CNTN4: variants seen among roughly 807,000 people sequenced by gnomAD.
CNTN4 encodes contactin-4.
A neutral mutation model predicts 122.5 loss-of-function variants in CNTN4; 77 were observed. The ratio of observed to expected loss-of-function variants is 0.63; its 90% confidence interval spans 0.52 to 0.76. The LOEUF is 0.76. CNTN4 is among the 30% of genes least tolerant of loss of function. The pLI is 0.00. For synonymous variants in CNTN4, 512 were observed against 447.0 expected (o/e 1.15, Z -1.83); for missense variants, 1,256 against 1,259.1 (o/e 1.00, Z 0.04).
chr3:2,237,882 G>A lies in CNTN4; in HGVS notation c.-144-101296G>A, dbSNP rs2149586249. On this transcript the variant is annotated intron_variant, in intron 2 of 24. Coordinates refer to ENST00000418658, the MANE Select transcript of CNTN4 (RefSeq NM_175607.3). ...ATATTCAGATTTAAATTAGCCTATA[G>A]GCCATTATTAAAATAGATTTACTGT... Among the ~76,000 whole-genome samples, 2 of 152,102 alleles carry A rather than the reference G, an allele frequency of 1.3e-5. 1 individual carries two copies. The highest frequency in any genetic ancestry group is 1.3e-4 in the Admixed American group (2 of 15,278).
chr3:2,376,529 A>G (rs2045822511), intron 3 of CNTN4, among the ~76,000 whole-genome samples: 1 of 152,038 alleles, frequency 6.6e-6, no homozygotes, highest in Admixed American at 6.5e-5. Flanking sequence ...TCACTAGGTG[A>G]TTCTTGAGAT....
intron 3 of CNTN4, among the ~76,000 whole-genome samples, chr3:2,407,506 CAT>C (rs1432748184): frequency 1.3e-5 from 2 of 152,012 alleles, no homozygotes; most frequent in African/African-American, 4.8e-5. Flanking sequence ...TGCCTCAAAA[CAT>C]ATAAAAATCA....
chr3:2,567,997 T>C (rs914051771), intron 3 of CNTN4, among the ~76,000 whole-genome samples: 3 of 152,230 alleles, frequency 2.0e-5, no homozygotes, highest in Admixed American at 2.0e-4. Context: ...GTGAGCTCCT[T>C]GAGGACAAGA....
intron 2 of CNTN4, among the ~76,000 whole-genome samples, chr3:2,319,482 C>T (rs2043210950): frequency 6.6e-6 from 1 of 152,134 alleles, no homozygotes; most frequent in Non-Finnish European, 1.5e-5. Flanking sequence ...TCACCTCTGT[C>T]ACCCCAGAGA....
chr3:2,394,230 C>A (rs139951563), intron 3 of CNTN4, among the ~76,000 whole-genome samples: 1 of 151,868 alleles, frequency 6.6e-6, no homozygotes, highest in Non-Finnish European at 1.5e-5. Context: ...GTAAAGGAAG[C>A]CCCTAGAGGC....
At chr3:2,729,230 T>C (rs1033237) in intron 4 of CNTN4, among the ~76,000 whole-genome samples, 132,380 of 152,102 alleles carry the variant, frequency 0.87, 58,382 homozygotes, top group East Asian at 0.99. Context: ...AGAACAGAAC[T>C]CTGCAGGGTA....
At chr3:2,390,371 C>A (rs568113235) in intron 3 of CNTN4, among the ~76,000 whole-genome samples, 1 of 151,812 alleles carries the variant, frequency 6.6e-6, no homozygotes, top group South Asian at 2.1e-4. Context: ...CTGAAATGAT[C>A]ATAAAAGTTA....
At position 2,532,165 on chromosome 3, in the gene CNTN4, AT is replaced by A. The variant is rs1277019446; in HGVS notation, c.-88-39248del. On this transcript the variant is annotated intron_variant, in intron 3 of 24. Coordinates refer to ENST00000418658, the MANE Select transcript of CNTN4 (RefSeq NM_175607.3). ...TCTCCTGCTTATTGGAAGATTATACATTTCAAGTTCAAAGATGTAAAATAGA... is the reference window on the plus strand; with the variant it reads ...TCTCCTGCTTATTGGAAGATTATACATTCAAGTTCAAAGATGTAAAATAGA... Among the ~76,000 whole-genome samples, 3 of 152,312 alleles carry A rather than the reference AT, an allele frequency of 2.0e-5. No individual in the cohort carries two copies. In the East Asian group the frequency reaches 5.8e-4, roughly 29 times the overall value.
chr3:2,619,392 T>A (rs1393170033), intron 4 of CNTN4, among the ~76,000 whole-genome samples: 1 of 152,210 alleles, frequency 6.6e-6, no homozygotes, highest in East Asian at 1.9e-4. Flanking sequence ...AGAAATTGCA[T>A]TGATTGTAAA....
At position 2,920,637 on chromosome 3, in the gene CNTN4, A is replaced by C. The variant is rs549375157; in HGVS notation, c.1208-4992A>C. Among the ~76,000 whole-genome samples the C allele has an allele frequency of 2.0e-5, 3 of 152,292 alleles. No individual in the cohort carries two copies. The East Asian group carries it at 5.8e-4, about 29-fold the overall frequency. On this transcript the variant is annotated intron_variant, in intron 12 of 24. Coordinates refer to ENST00000418658, the MANE Select transcript of CNTN4 (RefSeq NM_175607.3). The stretch of plus-strand genomic sequence containing the variant: ...TCTAAGAAAATTTTCAGCAGAAGAA[A>C]AGTCCGTGATAATGGTGACTGGGGT...
At chr3:2,849,063 A>T (rs1034472235) in intron 7 of CNTN4, among the ~76,000 whole-genome samples, 1 of 152,218 alleles carries the variant, frequency 6.6e-6, no homozygotes, top group East Asian at 1.9e-4. Context: ...GCACCCCAGG[A>T]TCCCATCCCG....
chr3:2,669,824 T>G (rs572342712), intron 4 of CNTN4, among the ~76,000 whole-genome samples: 121 of 152,320 alleles, frequency 7.9e-4, no homozygotes, highest in African/African-American at 2.6e-3. Context: ...AAGAACATCT[T>G]TATTTCTGCC....
intron 3 of CNTN4, among the ~76,000 whole-genome samples, chr3:2,482,017 G>C (rs1339727587): frequency 6.6e-6 from 1 of 152,188 alleles, no homozygotes; most frequent in African/African-American, 2.4e-5. Flanking sequence ...TGCAGAGAGT[G>C]GGGTGCTGCT....
intron 4 of CNTN4, among the ~76,000 whole-genome samples, chr3:2,574,489 G>A (rs1249276085): frequency 6.6e-6 from 1 of 152,042 alleles, no homozygotes; most frequent in Non-Finnish European, 1.5e-5. Context: ...TTATTTGAGG[G>A]CATTTATTAG....
At chr3:2,395,129 G>A (rs2046594793) in intron 3 of CNTN4, among the ~76,000 whole-genome samples, 1 of 152,124 alleles carries the variant, frequency 6.6e-6, no homozygotes, top group African/African-American at 2.4e-5. Flanking sequence ...AATGGAAAGA[G>A]CCTAGGTGTT....
At chr3:2,721,020 T>C (rs1176792831) in intron 4 of CNTN4, among the ~76,000 whole-genome samples, 2 of 152,168 alleles carry the variant, frequency 1.3e-5, no homozygotes, top group Non-Finnish European at 2.9e-5. Flanking sequence ...TTGACCAGGC[T>C]GGAGTGCAGT....
intron 13 of CNTN4, among the ~76,000 whole-genome samples, chr3:2,978,772 G>A (rs1400147886): frequency 6.6e-6 from 1 of 152,090 alleles, no homozygotes; most frequent in Non-Finnish European, 1.5e-5. Flanking sequence ...GGCCCCTGGG[G>A]TCAGCAGTCT....
intron 2 of CNTN4, among the ~76,000 whole-genome samples, chr3:2,267,293 C>A (rs78849706): frequency 6.6e-6 from 1 of 152,064 alleles, no homozygotes; most frequent in Non-Finnish European, 1.5e-5. Context: ...GCTTAAATAT[C>A]TCCTCTTCTC....
At chr3:2,468,373 G>A (rs1212113719) in intron 3 of CNTN4, among the ~76,000 whole-genome samples, 3 of 152,038 alleles carry the variant, frequency 2.0e-5, no homozygotes, top group Admixed American at 6.6e-5. Flanking sequence ...ATCAGATTTT[G>A]GGTCTGTGAC....
Sources: gnomAD v4.1 joint callset for allele counts (sites outside exome capture counted in the v4.1 genomes callset) on GRCh38, gnomAD v4.1.1 for gene constraint, MANE v1.5 for transcripts, NCBI Gene and HGNC (gene_info 2026-07-23, HGNC 2026-07-21) for gene names.